ZFHX3: variants seen among roughly 807,000 people sequenced by gnomAD.
ZFHX3 encodes the protein zinc finger homeobox protein 3.
ZFHX3 carries 42 observed loss-of-function variants against 279.1 expected under a neutral mutation model. The ratio of observed to expected loss-of-function variants is 0.15; its 90% CI spans 0.12 to 0.19. The LOEUF (loss-of-function observed/expected upper bound fraction) is 0.19, where lower values mean the gene tolerates loss of function less well. Among genes scored for constraint, ZFHX3 ranks in the 10% least tolerant of loss-of-function variants. The probability of loss-of-function intolerance (pLI) is 1.00; values close to 1 mark genes in which losing one functional copy is unlikely to be tolerated. For missense variants in ZFHX3, 4,981 were observed against 4,754.0 expected, an observed-to-expected ratio of 1.05 and a Z score of -1.40; for synonymous variants, 2,293 against 1,957.8, an observed-to-expected ratio of 1.17 and a Z score of -4.52.
chr16:72,969,508 C>T (rs1962004484), intron 1 of ZFHX3, among the ~76,000 whole-genome samples: 3 of 151,806 alleles, frequency 2.0e-5, no homozygotes, highest in Admixed American at 6.6e-5. Context: ...GAGGGCAGCC[C>T]CCAGAGAAAA....
chr16:73,770,134 T>C (rs1158481084), intron 1 of ZFHX3, among the ~76,000 whole-genome samples: 2 of 152,188 alleles, frequency 1.3e-5, no homozygotes, highest in Non-Finnish European at 2.9e-5. Context: ...GACCTGATGA[T>C]AGCGAGATTA....
At chr16:73,763,107 C>G (rs1465394290) in intron 1 of ZFHX3, among the ~76,000 whole-genome samples, 1 of 152,066 alleles carries the variant, frequency 6.6e-6, no homozygotes, top group Non-Finnish European at 1.5e-5. Flanking sequence ...TACATTAAGT[C>G]TGTGAAAATT....
At chr16:73,535,722 C>CTTTT (rs56867952) in intron 2 of ZFHX3, among the ~76,000 whole-genome samples, 14 of 139,000 alleles carry the variant, frequency 1.0e-4, no homozygotes, top group Non-Finnish European at 9.2e-5. Flanking sequence ...TGCCCCCTAT[C>CTTTT]TTTTTTTTTT....
intron 2 of ZFHX3, among the ~76,000 whole-genome samples, chr16:73,631,921 TCTCTCTCACACACACA>T (rs767272567): frequency 3.8e-5 from 4 of 105,920 alleles, no homozygotes; most frequent in Non-Finnish European, 7.8e-5. Context: ...TCTCTCTCTC[TCTCTCTCACACACACA>T]CACACACACA....
chr16:73,537,893 T>C lies in ZFHX3; in HGVS notation c.-1546-81635A>G, dbSNP rs138749953. 3.1e-3 allele frequency among the ~76,000 whole-genome samples: 475 copies of C among 152,364 alleles called. 2 individuals are homozygous for C. Among genetic ancestry groups the C allele is most frequent in the African/African-American group, 0.011 (456 of 41,592 alleles). ...GACTATCAAGCCACAAAGTAGTATC[T>C]TGGAATTCGACTTATCGATACAATC... On this transcript the variant is annotated intron_variant, in intron 2 of 17. Coordinates refer to the ZFHX3 transcript ENST00000641206.
At chr16:73,256,833 C>T (rs2013673991) in intron 5 of ZFHX3, among the ~76,000 whole-genome samples, 1 of 152,106 alleles carries the variant, frequency 6.6e-6, no homozygotes, top group Non-Finnish European at 1.5e-5. Context: ...GGTGAATCTC[C>T]TCTCCATCAA....
At chr16:72,987,743 G>A (rs1962908931) in intron 1 of ZFHX3, among the ~76,000 whole-genome samples, 1 of 152,208 alleles carries the variant, frequency 6.6e-6, no homozygotes, top group Admixed American at 6.5e-5. Context: ...TGGAAGGGAT[G>A]CACCAGGGAT....
intron 3 of ZFHX3, among the ~76,000 whole-genome samples, chr16:73,446,214 C>A (rs1302504405): frequency 1.3e-5 from 2 of 152,128 alleles, no homozygotes; most frequent in Admixed American, 1.3e-4. Flanking sequence ...ATGGATGGAG[C>A]TGGAGGCCAT....
intron 3 of ZFHX3, among the ~76,000 whole-genome samples, chr16:73,408,937 C>T (rs1032241878): frequency 1.3e-5 from 2 of 151,938 alleles, no homozygotes; most frequent in Admixed American, 1.3e-4. Flanking sequence ...TATCCCACCC[C>T]GCCAAAAAAA....
chr16:72,811,911 C>T lies in ZFHX3; in HGVS notation c.3657G>A (p.Pro1219=), dbSNP rs758256413. The change falls in exon 6 of 10, where the codon CCG becomes CCA. Residue 1219 remains proline, a synonymous_variant. Transcript: ENST00000268489. The part of the protein sequence containing the change: ...KRPKTAEEIK[P]EQMYQCPYCK... Reference sequence around the variant, plus strand: ...GAGTCCCTTCCAGCCTCACCTGCTCCGGTTTGATCTCCTCAGCTGTTTTTG... The same window carrying T: ...GAGTCCCTTCCAGCCTCACCTGCTCTGGTTTGATCTCCTCAGCTGTTTTTG... 19 of 1,613,880 alleles carry T rather than the reference C, an allele frequency of 1.2e-5. No homozygotes were observed. The highest frequency in any genetic ancestry group is 5.0e-5 in the Admixed American group (3 of 59,980).
At chr16:73,882,728 C>G (rs1302918641) in intron 1 of ZFHX3, among the ~76,000 whole-genome samples, 2 of 152,050 alleles carry the variant, frequency 1.3e-5, no homozygotes, top group African/African-American at 4.8e-5. Flanking sequence ...CCTTTCCAGC[C>G]AGATTCTTAA....
At chr16:72,953,462 G>A (rs183240008) in intron 2 of ZFHX3, among the ~76,000 whole-genome samples, 1 of 152,262 alleles carries the variant, frequency 6.6e-6, no homozygotes, top group Non-Finnish European at 1.5e-5. Flanking sequence ...GCATCAAATC[G>A]TCTCCACTTT....
intron 1 of ZFHX3, among the ~76,000 whole-genome samples, chr16:73,683,151 T>C (rs1175801830): frequency 6.6e-6 from 1 of 152,212 alleles, no homozygotes; most frequent in Non-Finnish European, 1.5e-5. Flanking sequence ...AAATGGTGTT[T>C]GTTAAAATGT....
chr16:73,121,579 T>C (rs528672789), intron 7 of ZFHX3, among the ~76,000 whole-genome samples: 2 of 152,070 alleles, frequency 1.3e-5, no homozygotes, highest in African/African-American at 2.4e-5. Context: ...TGTTCTTACA[T>C]AGGACTTATT....
intron 2 of ZFHX3, among the ~76,000 whole-genome samples, chr16:73,670,791 T>A (rs2052897063): frequency 6.6e-6 from 1 of 152,196 alleles, no homozygotes. Context: ...ATGGTAAATA[T>A]CAATCAATCC....
chr16:73,152,826 G>A (rs1011131150), intron 5 of ZFHX3, among the ~76,000 whole-genome samples: 29 of 151,234 alleles, frequency 1.9e-4, no homozygotes, highest in African/African-American at 6.3e-4. Context: ...GGGGCTGGGG[G>A]GAAGGGAGGG....
At chr16:73,881,272 A>G (rs961991131) in intron 1 of ZFHX3, among the ~76,000 whole-genome samples, 4 of 152,190 alleles carry the variant, frequency 2.6e-5, no homozygotes, top group African/African-American at 9.6e-5. Flanking sequence ...GGAGCAGACA[A>G]GCCCCACTGG....
intron 1 of ZFHX3, among the ~76,000 whole-genome samples, chr16:72,970,843 G>A (rs1228418928): frequency 6.6e-6 from 1 of 152,148 alleles, no homozygotes; most frequent in Admixed American, 6.5e-5. Flanking sequence ...ATGTAAAAAC[G>A]TGCCATCTGG....
At chr16:73,317,067 T>C (rs1460071434) in intron 4 of ZFHX3, among the ~76,000 whole-genome samples, 2 of 151,828 alleles carry the variant, frequency 1.3e-5, no homozygotes. Context: ...AGGTCTAGGG[T>C]GATGGGAAGA....
Sources: allele counts gnomAD v4.1 joint callset (sites outside exome capture counted in the v4.1 genomes callset), GRCh38; gene constraint gnomAD v4.1.1; transcripts MANE v1.5; gene names NCBI Gene and HGNC (gene_info 2026-07-23, HGNC 2026-07-21).